Variants in PCCB observed in about 807,000 individuals in gnomAD.
The protein encoded by PCCB is propionyl-CoA carboxylase subunit beta.
PCCB carries 43 observed loss-of-function variants against 60.7 expected under a neutral mutation model. The observed-to-expected ratio is 0.71, with a 90% CI of 0.55 to 0.91. The LOEUF (loss-of-function observed/expected upper bound fraction) is 0.91. Ranked by LOEUF, PCCB falls within the 40% of genes least tolerant of loss-of-function variation. The pLI, the probability that PCCB is intolerant of heterozygous loss-of-function variation, is 0.00. For synonymous variants in PCCB, 276 were observed against 255.9 expected, an observed-to-expected ratio of 1.08 and a Z score of -0.75; for missense variants, 766 against 702.8, an observed-to-expected ratio of 1.09 and a Z score of -1.02.
intron 3 of PCCB, chr3:136,259,064 G>T: frequency 1.0e-6 from 1 of 983,426 alleles, no homozygotes; most frequent in Non-Finnish European, 1.3e-6. Flanking sequence ...GGGGTTTTAG[G>T]AGAGGTTATG....
chr3:136,297,948 T>G lies in PCCB; in HGVS notation c.764-4T>G. On this transcript the variant is annotated splice_region_variant and splice_polypyrimidine_tract_variant and intron_variant, in intron 7 of 14. Coordinates refer to ENST00000251654, the MANE Select transcript of PCCB (RefSeq NM_000532.5). The stretch of plus-strand genomic sequence containing the variant: ...TCAATCATATATGCTCCCTGTTCTC[T>G]TAGGTGTGGCCCACAGAGCTTTTGA... 1.2e-6 allele frequency: 2 copies of G among 1,614,128 alleles called. No individual in the cohort carries two copies. The highest frequency in any genetic ancestry group is 1.7e-6 in the Non-Finnish European group (2 of 1,179,966).
At chr3:136,295,222 T>C (rs527811761) in intron 7 of PCCB, among the ~76,000 whole-genome samples, 1 of 152,260 alleles carries the variant, frequency 6.6e-6, no homozygotes, top group Admixed American at 6.5e-5. Context: ...GCCTGATTTA[T>C]GCACCTCATT....
intron 6 of PCCB, among the ~76,000 whole-genome samples, chr3:136,286,056 C>T (rs949633857): frequency 6.6e-6 from 1 of 152,120 alleles, no homozygotes; most frequent in Non-Finnish European, 1.5e-5. Context: ...TACCAGGTGC[C>T]AGGATATAAA....
chr3:136,269,365 T>C (rs1490272233), intron 5 of PCCB, among the ~76,000 whole-genome samples: 2 of 152,218 alleles, frequency 1.3e-5, no homozygotes. Context: ...CAATTGATTT[T>C]CATATGTTGA....
At chr3:136,253,214 T>A (rs931654175) in intron 1 of PCCB, among the ~76,000 whole-genome samples, 1 of 150,362 alleles carries the variant, frequency 6.7e-6, no homozygotes, top group Non-Finnish European at 1.5e-5. Flanking sequence ...CTCAGCCTCC[T>A]GAGTAGCTGG....
rs779638173 is a variant in PCCB, at chr3:136,303,659, G to A, written c.966+2548G>A. ...GCTCTTGTCACCCAAGCTGGAATGC[G>A]GTGGCACAATCTCTACTCACTGCAA... On this transcript the variant is annotated intron_variant, in intron 9 of 14. Transcript: ENST00000251654. Among the ~76,000 whole-genome samples the A allele has an allele frequency of 1.1e-4, 13 of 121,128 alleles. 5 individuals carry two copies. Among genetic ancestry groups the A allele is most frequent in the South Asian group, 6.5e-4 (2 of 3,096 alleles). 79.5% of individuals were successfully genotyped at this position (121,128 alleles called of 152,430 possible). A position where few individuals can be genotyped will look rare whatever the true frequency, so the allele number is the denominator to read the frequency against.
chr3:136,251,652 C>G (rs1941520428), intron 1 of PCCB, among the ~76,000 whole-genome samples: 1 of 152,090 alleles, frequency 6.6e-6, no homozygotes, highest in Non-Finnish European at 1.5e-5. Context: ...TTCTAACCTA[C>G]TCTGTTAGGG....
chr3:136,294,327 T>A (rs961643464), intron 7 of PCCB, among the ~76,000 whole-genome samples: 1 of 152,148 alleles, frequency 6.6e-6, no homozygotes, highest in Non-Finnish European at 1.5e-5. Flanking sequence ...CTTCTTTTTT[T>A]TTGAGACAGG....
chr3:136,283,746 C>T (rs910393991), intron 5 of PCCB, 91 bp from the exon 6 acceptor site: 3 of 935,380 alleles, frequency 3.2e-6, no homozygotes, highest in African/African-American at 3.2e-5. Flanking sequence ...GGAAAAAAGC[C>T]AAATGTTATC....
chr3:136,296,469 T>C (rs1384262121), intron 7 of PCCB, among the ~76,000 whole-genome samples: 1 of 152,250 alleles, frequency 6.6e-6, no homozygotes, highest in African/African-American at 2.4e-5. Context: ...CCGAATAATA[T>C]TCCAGTGTGT....
intron 5 of PCCB, among the ~76,000 whole-genome samples, chr3:136,271,093 T>A (rs911695331): frequency 6.6e-6 from 1 of 152,196 alleles, no homozygotes; most frequent in Non-Finnish European, 1.5e-5. Flanking sequence ...CTTTGCTGAT[T>A]ACTTCTTTTG....
intron 5 of PCCB, among the ~76,000 whole-genome samples, chr3:136,276,192 A>T (rs956045921): frequency 2.0e-5 from 3 of 152,042 alleles, no homozygotes; most frequent in African/African-American, 7.2e-5. Flanking sequence ...TATTTATTTA[A>T]TTTTTCCCCT....
At chr3:136,299,941 CAT>C (rs1419004993) in intron 8 of PCCB, among the ~76,000 whole-genome samples, 1 of 151,540 alleles carries the variant, frequency 6.6e-6, no homozygotes, top group African/African-American at 2.4e-5. Context: ...TATGTATACG[CAT>C]ATGCATACAT....
Position 136,305,020 on chromosome 3 carries a change from T to C in PCCB, c.966+3909T>C, listed in dbSNP as rs752853460. 1.7e-5 allele frequency among the ~76,000 whole-genome samples: 2 copies of C among 120,914 alleles called. 1 individual carries two copies. The highest frequency in any genetic ancestry group is 2.0e-4 in the Admixed American group (2 of 10,066). The allele number at this position is 120,914 out of a possible 152,430, so 79.3% of individuals were successfully genotyped here. A position where few individuals can be genotyped will look rare whatever the true frequency, so the allele number is the denominator to read the frequency against. Reference sequence around the variant, plus strand: ...TTTCCAATTTTTAAAAGAATTCCAGTCCTAACAGATTAGGGTCCCCCTCTT... The same window carrying C: ...TTTCCAATTTTTAAAAGAATTCCAGCCCTAACAGATTAGGGTCCCCCTCTT... On this transcript the variant is annotated intron_variant, in intron 9 of 14. Transcript: ENST00000251654.
At chr3:136,286,896 TG>T (rs1171899486) in intron 6 of PCCB, among the ~76,000 whole-genome samples, 1 of 151,860 alleles carries the variant, frequency 6.6e-6, no homozygotes, top group Non-Finnish European at 1.5e-5. Flanking sequence ...CCAAGCGTGG[TG>T]GTACGTGCTT....
intron 9 of PCCB, among the ~76,000 whole-genome samples, chr3:136,307,645 A>G (rs552497263): frequency 6.0e-4 from 91 of 152,232 alleles, no homozygotes; most frequent in Non-Finnish European, 1.2e-3. Context: ...AAAAAAGGTA[A>G]AAGACAATAA....
At chr3:136,260,646 G>T in intron 4 of PCCB, 111 bp downstream of exon 4, 1 of 915,234 alleles carries the variant, frequency 1.1e-6, no homozygotes, top group Non-Finnish European at 1.8e-6. Context: ...TAGGGCAGAG[G>T]TATGCAAGAT....
Position 136,256,631 on chromosome 3 carries a change from A to C in PCCB, c.372+8A>C. 1 of 1,588,686 alleles carries C rather than the reference A, an allele frequency of 6.3e-7. No homozygotes were observed. The highest frequency in any genetic ancestry group is 1.7e-4 in the Middle Eastern group (1 of 6,020). On this transcript the variant is annotated splice_region_variant and intron_variant, in intron 3 of 14. Transcript: ENST00000251654. Reference sequence around the variant, plus strand: ...GTTTATGTCTTCAGTCAGGTATTTCATAACTCCAATAGTCTGAACTTTTCT... The same window carrying C: ...GTTTATGTCTTCAGTCAGGTATTTCCTAACTCCAATAGTCTGAACTTTTCT...
intron 3 of PCCB, among the ~76,000 whole-genome samples, chr3:136,257,415 T>G (rs540259171): frequency 7.1e-4 from 108 of 152,354 alleles, no homozygotes; most frequent in Admixed American, 1.5e-3. Context: ...CCTGCCAACC[T>G]TAATTTTAGC....
Sources: gnomAD v4.1 joint callset for allele counts (sites outside exome capture counted in the v4.1 genomes callset) on GRCh38, gnomAD v4.1.1 for gene constraint, MANE v1.5 for transcripts, NCBI Gene and HGNC (gene_info 2026-07-23, HGNC 2026-07-21) for gene names.